Variants in PDE2A observed in about 807,000 individuals in gnomAD.
PDE2A encodes the protein cGMP-dependent 3',5'-cyclic phosphodiesterase.
In PDE2A, 53 loss-of-function variants were observed where a neutral mutation model predicts 133.6. The ratio of observed to expected loss-of-function variants is 0.40; its 90% CI spans 0.32 to 0.50. The LOEUF is 0.50. PDE2A is among the 20% of genes least tolerant of loss of function. The pLI is 0.73. For synonymous variants in PDE2A, 491 were observed against 490.2 expected, an observed-to-expected ratio of 1.00 and a Z score of -0.02; for missense variants, 796 against 1,232.4, an observed-to-expected ratio of 0.65 and a Z score of 5.30.
chr11:72,632,139 G>A lies in PDE2A; in HGVS notation c.144+10115C>T, dbSNP rs113490353. 5.4e-3 allele frequency among the ~76,000 whole-genome samples: 824 copies of A among 152,254 alleles called. 5 individuals are homozygous for A. Among genetic ancestry groups the A allele is most frequent in the African/African-American group, 0.019 (786 of 41,530 alleles). On this transcript the variant is annotated intron_variant, in intron 2 of 30. Transcript: ENST00000334456. ...CTGGGGGGAGGGCACAGTCTGGCAT[G>A]GAGGAGGTTCTGGGTTCCCTGCTGG...
At chr11:72,651,377 TG>T (rs2135448395) in intron 1 of PDE2A, among the ~76,000 whole-genome samples, 1 of 152,138 alleles carries the variant, frequency 6.6e-6, no homozygotes, top group Non-Finnish European at 1.5e-5. Context: ...TGCCTGCAGT[TG>T]GGGATACCAA....
chr11:72,599,900 G>T (rs1856661724), intron 4 of PDE2A, among the ~76,000 whole-genome samples: 1 of 152,202 alleles, frequency 6.6e-6, no homozygotes, highest in African/African-American at 2.4e-5. Context: ...GCAGGCCCCA[G>T]CCCACTCAGG....
At chr11:72,643,622 C>A (rs975476258) in intron 1 of PDE2A, 1 of 152,648 alleles carries the variant, frequency 6.6e-6, no homozygotes, top group African/African-American at 2.4e-5. Context: ...AACTCTTGGA[C>A]GGTGACTCAG....
chr11:72,673,470 G>GC (rs1232648876), intron 1 of PDE2A, among the ~76,000 whole-genome samples: 5 of 151,260 alleles, frequency 3.3e-5, no homozygotes, highest in Non-Finnish European at 2.9e-5. Context: ...TCGCCACGGC[G>GC]CCCCCCACTC....
intron 2 of PDE2A, among the ~76,000 whole-genome samples, chr11:72,632,018 T>C (rs1858414737): frequency 6.6e-6 from 1 of 152,112 alleles, no homozygotes; most frequent in Non-Finnish European, 1.5e-5. Context: ...AGCTTCAGAA[T>C]CGTGTGGTGG....
At chr11:72,642,383 A>T (rs1858994436) in intron 1 of PDE2A, 57 bp from the exon 2 acceptor site, 1 of 1,315,566 alleles carries the variant, frequency 7.6e-7, no homozygotes, top group African/African-American at 1.5e-5. Context: ...CCATGCTCGC[A>T]GCCGCCCGCC....
chr11:72,587,897 C>T (rs772583352), intron 13 of PDE2A: 4 of 152,330 alleles, frequency 2.6e-5, no homozygotes, highest in African/African-American at 4.8e-5. Flanking sequence ...ACCTCAGGCC[C>T]GGGCTCTGAC....
At chr11:72,647,669 T>C (rs181835887) in intron 1 of PDE2A, among the ~76,000 whole-genome samples, 77 of 152,340 alleles carry the variant, frequency 5.1e-4, no homozygotes, top group African/African-American at 1.8e-3. Flanking sequence ...CTGACATCTC[T>C]GCAGGTTCTG....
In PDE2A at chr11:72,584,666, C is replaced by T; in HGVS notation, c.1422G>A (p.Gln474=). The T allele has an allele frequency of 6.2e-7, 1 of 1,613,458 alleles. No individual in the cohort carries two copies. Among genetic ancestry groups the T allele is most frequent in the Non-Finnish European group, 8.5e-7 (1 of 1,180,020 alleles). ...CATATGCGTCAGGGATGTTCAGGAT[C>T]TGGCCCGTGGTCGCCACGTGTCCCG... The part of the protein sequence containing the change: ...GIAGHVATTG[Q]ILNIPDAYAH... Residue 474 remains glutamine, a synonymous_variant, in exon 18 of 31, where the codon CAG becomes CAA. Transcript: ENST00000334456.
chr11:72,640,711 C>T (rs1858916991), intron 2 of PDE2A, among the ~76,000 whole-genome samples: 1 of 152,182 alleles, frequency 6.6e-6, no homozygotes, highest in African/African-American at 2.4e-5. Flanking sequence ...CCTGCAGTGG[C>T]CCTTCCTGGC....
At chr11:72,598,648 G>A (rs1423158371) in intron 4 of PDE2A, 1 of 1,288,810 alleles carries the variant, frequency 7.8e-7, no homozygotes, top group Non-Finnish European at 1.0e-6. Context: ...GTGCATACAG[G>A]GTCACTAAGG....
intron 1 of PDE2A, among the ~76,000 whole-genome samples, chr11:72,648,890 T>A (rs1042671580): frequency 6.6e-6 from 1 of 152,112 alleles, no homozygotes. Context: ...CAGACACACA[T>A]CCTCAAGCAC....
intron 4 of PDE2A, chr11:72,598,359 G>T (rs1341748482): frequency 4.4e-6 from 2 of 450,206 alleles, no homozygotes; most frequent in Non-Finnish European, 8.2e-6. Flanking sequence ...CAGGGGGCAG[G>T]TGTGAGTGGC....
At position 72,608,763 on chromosome 11, in the gene PDE2A, G is replaced by T. The variant is rs1218314010; in HGVS notation, c.145-12C>A. 1 of 1,489,460 alleles carries T rather than the reference G, an allele frequency of 6.7e-7. No homozygotes were observed. Among genetic ancestry groups the T allele is most frequent in the Admixed American group, 2.0e-5 (1 of 51,144 alleles). 92.3% of individuals were successfully genotyped at this position (1,489,460 alleles called of 1,614,324 possible). On this transcript the variant is annotated splice_polypyrimidine_tract_variant and intron_variant, in intron 2 of 30. Coordinates refer to ENST00000334456, the MANE Select transcript of PDE2A (RefSeq NM_002599.5). ...CTCAGCAAGGCGTCCTGGAAGAGAGGAGAGGGCAGTGAGAGGCTTTGCCAG... is the reference window on the plus strand; with the variant it reads ...CTCAGCAAGGCGTCCTGGAAGAGAGTAGAGGGCAGTGAGAGGCTTTGCCAG...
In PDE2A at chr11:72,577,447, C is replaced by A. The variant is rs1855516740; in HGVS notation, c.2763G>T (p.Glu921Asp). The stretch of plus-strand genomic sequence containing the variant: ...CCCTAGTGCCATCCAGATCAGGCAC[C>A]TCGTACTCCTCATCCAGGAAGTCCA... ...NSLDFLDEEY[E>D]VPDLDGTRAP... Residue 921 changes from glutamate to aspartate, a missense_variant, in exon 31 of 31, where the codon GAG becomes GAT. This residue lies in a region of PDE2A where 83 missense variants were observed against 99.0 expected (regional missense o/e 0.84). Coordinates refer to ENST00000334456, the MANE Select transcript of PDE2A (RefSeq NM_002599.5). 6.2e-7 allele frequency: 1 copy of A among 1,614,052 alleles called. No homozygotes were observed. Among genetic ancestry groups the A allele is most frequent in the South Asian group, 1.1e-5 (1 of 91,086 alleles).
chr11:72,658,233 C>A, intron 1 of PDE2A: 1 of 414,408 alleles, frequency 2.4e-6, no homozygotes, highest in Non-Finnish European at 4.9e-6. Flanking sequence ...TCTGGTCTCC[C>A]CCATCAGATT....
chr11:72,662,212 A>T (rs1416892275), intron 1 of PDE2A, among the ~76,000 whole-genome samples: 1 of 152,154 alleles, frequency 6.6e-6, no homozygotes, highest in Non-Finnish European at 1.5e-5. Context: ...ATTGTCAAGC[A>T]CTTAGAGTGG....
chr11:72,655,112 G>C (rs1308110877), intron 1 of PDE2A, among the ~76,000 whole-genome samples: 2 of 152,194 alleles, frequency 1.3e-5, no homozygotes, highest in Non-Finnish European at 2.9e-5. Context: ...AAGGGAGCCA[G>C]GGGAAGGCGG....
chr11:72,671,508 C>G (rs1010467342), intron 1 of PDE2A, among the ~76,000 whole-genome samples: 4 of 152,090 alleles, frequency 2.6e-5, no homozygotes, highest in Admixed American at 2.6e-4. Context: ...CCCCACCCCC[C>G]ACCATTTGGC....
Sources: allele counts gnomAD v4.1 joint callset (sites outside exome capture counted in the v4.1 genomes callset), GRCh38; gene constraint gnomAD v4.1.1; regional missense constraint gnomAD v4.1.1; transcripts MANE v1.5; gene names NCBI Gene and HGNC (gene_info 2026-07-23, HGNC 2026-07-21).